Variants in NRXN3 observed in about 807,000 individuals in gnomAD.
NRXN3 encodes neurexin 3.
NRXN3 carries 32 observed loss-of-function variants against 137.6 expected under a neutral mutation model. The observed-to-expected ratio is 0.23, with a 90% confidence interval of 0.18 to 0.31. The LOEUF (loss-of-function observed/expected upper bound fraction) is 0.31. Ranked by LOEUF, NRXN3 falls within the 10% of genes least tolerant of loss-of-function variation. The pLI is 1.00. For missense variants in NRXN3, 1,574 were observed against 2,062.5 expected, an observed-to-expected ratio of 0.76 and a Z score of 4.59; for synonymous variants, 798 against 784.5, an observed-to-expected ratio of 1.02 and a Z score of -0.29.
intron 2 of NRXN3, among the ~76,000 whole-genome samples, chr14:78,277,095 G>A (rs1239331247): frequency 6.6e-6 from 1 of 152,204 alleles, no homozygotes; most frequent in East Asian, 1.9e-4. Context: ...GAGGCAAGGT[G>A]GGGGCTAGAG....
chr14:79,709,616 A>G (rs1461936047), intron 19 of NRXN3, among the ~76,000 whole-genome samples: 2 of 152,176 alleles, frequency 1.3e-5, no homozygotes, highest in Admixed American at 1.3e-4. Context: ...CTTAAGCAGT[A>G]TAAATGTATA....
At chr14:79,527,324 T>C (rs965886425) in intron 16 of NRXN3, among the ~76,000 whole-genome samples, 5 of 148,276 alleles carry the variant, frequency 3.4e-5, no homozygotes, top group Non-Finnish European at 7.4e-5. Flanking sequence ...AAAGACTGCT[T>C]TAGGATTTAA....
intron 15 of NRXN3, among the ~76,000 whole-genome samples, chr14:79,252,588 G>C (rs2076081769): frequency 6.6e-6 from 1 of 152,026 alleles, no homozygotes; most frequent in Admixed American, 6.6e-5. Flanking sequence ...GGTGGTGGGA[G>C]GTGGGTAGGG....
chr14:78,789,930 C>T (rs989428316), intron 8 of NRXN3, among the ~76,000 whole-genome samples: 3 of 152,126 alleles, frequency 2.0e-5, no homozygotes, highest in Admixed American at 6.6e-5. Flanking sequence ...TTTGAGTCTA[C>T]AACACCCACT....
At chr14:79,194,415 G>T (rs11625723) in intron 15 of NRXN3, among the ~76,000 whole-genome samples, 34,639 of 152,180 alleles carry the variant, frequency 0.23, 4,494 homozygotes, top group Non-Finnish European at 0.3. Flanking sequence ...TTGCACTGGT[G>T]CATCCCAGGA....
At chr14:79,543,991 TCATAA>T (rs2097296653) in intron 16 of NRXN3, among the ~76,000 whole-genome samples, 1 of 152,208 alleles carries the variant, frequency 6.6e-6, no homozygotes, top group Non-Finnish European at 1.5e-5. Context: ...TTTCTTTGTT[TCATAA>T]CATCTATGGA....
At chr14:79,593,045 T>C (rs2097822367) in intron 16 of NRXN3, among the ~76,000 whole-genome samples, 1 of 152,210 alleles carries the variant, frequency 6.6e-6, no homozygotes, top group African/African-American at 2.4e-5. Context: ...TATTTGACAC[T>C]ACACATCTGT....
chr14:79,366,604 T>G (rs968678020), intron 15 of NRXN3, among the ~76,000 whole-genome samples: 2 of 152,212 alleles, frequency 1.3e-5, no homozygotes, highest in African/African-American at 4.8e-5. Context: ...TTTCTCTGTC[T>G]TCTTTTTTTC....
chr14:78,412,740 G>T (rs2092907461), intron 4 of NRXN3, among the ~76,000 whole-genome samples: 1 of 152,092 alleles, frequency 6.6e-6, no homozygotes, highest in Non-Finnish European at 1.5e-5. Context: ...GTGGTTTCAT[G>T]GTATGATCAA....
At chr14:78,770,388 G>C (rs762719962) in intron 8 of NRXN3, among the ~76,000 whole-genome samples, 1 of 152,162 alleles carries the variant, frequency 6.6e-6, no homozygotes, top group Non-Finnish European at 1.5e-5. Flanking sequence ...AGTTCTCCAT[G>C]TCTTCTTTGG....
chr14:79,780,595 C>T (rs143821967), intron 19 of NRXN3, among the ~76,000 whole-genome samples: 13 of 151,902 alleles, frequency 8.6e-5, no homozygotes, highest in South Asian at 2.1e-4. Context: ...GGCGACAGAG[C>T]GAGACTCTGT....
rs76159021 is a variant in NRXN3, at chr14:78,174,562, A to G, written c.-704+3888A>G. ...CAAGCACCAGCGTGCCTCCAATTGG[A>G]CAACATAGGATTGTCAACACTGTGC... On this transcript the variant is annotated intron_variant, in intron 1 of 20. Coordinates refer to ENST00000335750, the MANE Select transcript of NRXN3 (RefSeq NM_001330195.2). Among the ~76,000 whole-genome samples the G allele has an allele frequency of 3.7e-3, 562 of 152,252 alleles. 29 individuals carry two copies. The East Asian group carries it at 0.096, about 26-fold the overall frequency.
chr14:78,580,972 A>C (rs2096988591), intron 4 of NRXN3, among the ~76,000 whole-genome samples: 1 of 152,208 alleles, frequency 6.6e-6, no homozygotes, highest in African/African-American at 2.4e-5. Context: ...ATACTGTTCT[A>C]CGAACACAAG....
intron 15 of NRXN3, among the ~76,000 whole-genome samples, chr14:79,413,846 C>A (rs2095455766): frequency 7.9e-6 from 1 of 127,278 alleles, no homozygotes; most frequent in Non-Finnish European, 1.5e-5. Context: ...CTGTCATGAA[C>A]TGTGAGTGCA....
chr14:79,329,197 A>G (rs1425465386), intron 15 of NRXN3, among the ~76,000 whole-genome samples: 1 of 152,178 alleles, frequency 6.6e-6, no homozygotes, highest in Non-Finnish European at 1.5e-5. Flanking sequence ...TTGAGTGTGC[A>G]TCCTAAGTCT....
In NRXN3 at chr14:78,204,589, ATAACT is replaced by A. The variant is rs1268685484; in HGVS notation, c.-704+33919_-704+33923del. Among the ~76,000 whole-genome samples the A allele has an allele frequency of 2.9e-4, 44 of 152,258 alleles. 1 individual carries two copies. The highest frequency in any genetic ancestry group is 2.4e-3 in the Admixed American group (37 of 15,288). On this transcript the variant is annotated intron_variant, in intron 1 of 20. Transcript: ENST00000335750. ...AATGAAATATTATGCTATCATCAAA[ATAACT>A]TAATGGTGTAGGGAAAAATCAAGCT...
At chr14:78,219,206 T>C (rs2063589424) in intron 1 of NRXN3, among the ~76,000 whole-genome samples, 1 of 152,116 alleles carries the variant, frequency 6.6e-6, no homozygotes, top group Admixed American at 6.5e-5. Context: ...ATATACAGGG[T>C]GACTATTTCC....
intron 6 of NRXN3, among the ~76,000 whole-genome samples, chr14:78,677,737 T>G (rs1324177232): frequency 6.6e-6 from 1 of 152,174 alleles, no homozygotes; most frequent in Non-Finnish European, 1.5e-5. Context: ...AAATCTTTTG[T>G]GAAAGGAAGA....
intron 2 of NRXN3, among the ~76,000 whole-genome samples, chr14:78,261,387 T>C (rs1042572934): frequency 1.3e-5 from 2 of 152,210 alleles, no homozygotes; most frequent in African/African-American, 4.8e-5. Flanking sequence ...TTTATTCTGT[T>C]GTCTTATTCC....
Sources: gnomAD v4.1 joint callset for allele counts (sites outside exome capture counted in the v4.1 genomes callset) on GRCh38, gnomAD v4.1.1 for gene constraint, MANE v1.5 for transcripts, NCBI Gene and HGNC (gene_info 2026-07-23, HGNC 2026-07-21) for gene names.